Variants in SAMD12 observed in about 807,000 individuals in gnomAD.
SAMD12 encodes sterile alpha motif domain-containing protein 12.
In SAMD12, 9 loss-of-function variants were observed where a neutral mutation model predicts 15.0. The observed-to-expected ratio is 0.60, with a 90% CI of 0.36 to 1.05. The LOEUF (loss-of-function observed/expected upper bound fraction) is 1.05. SAMD12 is among the 50% of genes least tolerant of loss of function. The pLI, the probability that SAMD12 is intolerant of heterozygous loss-of-function variation, is 0.01. For synonymous variants in SAMD12, 86 were observed against 90.1 expected, an observed-to-expected ratio of 0.96 and a Z score of 0.25; for missense variants, 230 against 234.2, an observed-to-expected ratio of 0.98 and a Z score of 0.12.
intron 4 of SAMD12, among the ~76,000 whole-genome samples, chr8:118,351,382 TG>T (rs1817955443): frequency 1.3e-5 from 2 of 152,148 alleles, no homozygotes; most frequent in African/African-American, 2.4e-5. Flanking sequence ...GGAATTGGGA[TG>T]GGAAGCGGCA....
chr8:118,427,729 CTT>C (rs1250789840), intron 3 of SAMD12, among the ~76,000 whole-genome samples: 2 of 152,150 alleles, frequency 1.3e-5, no homozygotes, highest in African/African-American at 4.8e-5. Context: ...ATTCTAATCT[CTT>C]TTGAAATTAT....
At chr8:118,166,875 T>G in the SAMD12 span, among the ~76,000 whole-genome samples, 1 of 152,186 alleles carries the variant, frequency 6.6e-6, no homozygotes, top group Non-Finnish European at 1.5e-5. Context: ...TGGGTGTCTC[T>G]AGGAGGCATC....
chr8:118,339,806 C>G (rs1817261096), intron 4 of SAMD12, among the ~76,000 whole-genome samples: 1 of 152,196 alleles, frequency 6.6e-6, no homozygotes, highest in South Asian at 2.1e-4. Flanking sequence ...AGCCCCTTGC[C>G]CCTGTCAGGG....
chr8:118,513,602 G>A (rs896012535), intron 2 of SAMD12, among the ~76,000 whole-genome samples: 1 of 152,162 alleles, frequency 6.6e-6, no homozygotes. Flanking sequence ...AAATAATTTG[G>A]TTGTTCCAGA....
At chr8:118,574,182 T>A (rs996804298) in intron 2 of SAMD12, among the ~76,000 whole-genome samples, 3 of 152,158 alleles carry the variant, frequency 2.0e-5, no homozygotes, top group Admixed American at 2.0e-4. Context: ...GTACCAATAA[T>A]CTCCAAAGAG....
exon 5 of SAMD12, chr8:118,194,814 C>T (rs1160267865): frequency 6.6e-6 from 1 of 152,180 alleles, no homozygotes. Context: ...AGGACCACCA[C>T]ATAATAAAGA....
chr8:118,507,427 T>C (rs1260958912), intron 2 of SAMD12, among the ~76,000 whole-genome samples: 2 of 151,816 alleles, frequency 1.3e-5, no homozygotes, highest in Non-Finnish European at 2.9e-5. Flanking sequence ...CAATTGAGGG[T>C]TTATGATGTA....
chr8:118,324,971 A>G (rs1816496340), intron 4 of SAMD12, among the ~76,000 whole-genome samples: 1 of 152,188 alleles, frequency 6.6e-6, no homozygotes, highest in Non-Finnish European at 1.5e-5. Flanking sequence ...CATGCTATGC[A>G]GTTGACTCAC....
At chr8:118,133,176 C>T in the SAMD12 span, among the ~76,000 whole-genome samples, 1 of 151,166 alleles carries the variant, frequency 6.6e-6, no homozygotes. Flanking sequence ...TTCTAGAGTT[C>T]CTTATGAGTT....
chr8:118,393,639 C>T lies in SAMD12; in HGVS notation c.323-13939G>A, dbSNP rs569613991. ...TTGAGACAGAGTTTTGCTCTTGTTG[C>T]CCAGGCTGGAGTGCAGGGATGCAAT... is the stretch of plus-strand genomic sequence containing the variant. On this transcript the variant is annotated intron_variant, in intron 3 of 3. Transcript: ENST00000314727. Among the ~76,000 whole-genome samples the T allele has an allele frequency of 3.7e-3, 565 of 151,460 alleles. 2 individuals are homozygous for T. The highest frequency in any genetic ancestry group is 0.013 in the African/African-American group (550 of 41,258).
At chr8:118,289,957 T>C (rs1247523966) in intron 4 of SAMD12, among the ~76,000 whole-genome samples, 1 of 152,180 alleles carries the variant, frequency 6.6e-6, no homozygotes, top group East Asian at 1.9e-4. Flanking sequence ...AAATTATTCA[T>C]TCAAGAGAGA....
At chr8:118,162,128 C>T in the SAMD12 span, among the ~76,000 whole-genome samples, 1 of 148,548 alleles carries the variant, frequency 6.7e-6, no homozygotes. Flanking sequence ...CCACTGCACT[C>T]CAGCCTGGGC....
At chr8:118,269,210 CTCTCTCTCTCTGTG>C (rs1179937311) in intron 4 of SAMD12, among the ~76,000 whole-genome samples, 3 of 117,558 alleles carry the variant, frequency 2.6e-5, no homozygotes, top group Non-Finnish European at 5.0e-5. Flanking sequence ...CTCTCTCTCT[CTCTCTCTCTCTGTG>C]TGTGTGTGTG....
intron 4 of SAMD12, among the ~76,000 whole-genome samples, chr8:118,327,092 A>G (rs1816602874): frequency 1.3e-5 from 2 of 152,212 alleles, no homozygotes; most frequent in African/African-American, 4.8e-5. Context: ...CAGTGAGGGA[A>G]TTACATAGGG....
intron 2 of SAMD12, among the ~76,000 whole-genome samples, chr8:118,486,468 G>A (rs1020434255): frequency 5.3e-5 from 8 of 151,532 alleles, no homozygotes; most frequent in Non-Finnish European, 1.2e-4. Context: ...GAGCTGTGAC[G>A]TGAAGGCTTA....
intron 4 of SAMD12, among the ~76,000 whole-genome samples, chr8:118,227,469 C>T (rs1484663236): frequency 6.6e-6 from 1 of 151,818 alleles, no homozygotes; most frequent in Non-Finnish European, 1.5e-5. Flanking sequence ...CCCTCATGAC[C>T]GAGTGTACCT....
At chr8:118,395,785 C>G (rs950035687) in intron 3 of SAMD12, among the ~76,000 whole-genome samples, 1 of 151,988 alleles carries the variant, frequency 6.6e-6, no homozygotes, top group East Asian at 1.9e-4. Context: ...GGTGAAACCC[C>G]ATCTCTACTA....
At chr8:118,424,192 C>T (rs1170365206) in intron 3 of SAMD12, among the ~76,000 whole-genome samples, 1 of 152,056 alleles carries the variant, frequency 6.6e-6, no homozygotes, top group Non-Finnish European at 1.5e-5. Flanking sequence ...AAAAATTACA[C>T]ACATAAGTAT....
chr8:118,532,946 T>G (rs1825731510), intron 2 of SAMD12, among the ~76,000 whole-genome samples: 2 of 152,204 alleles, frequency 1.3e-5, no homozygotes, highest in East Asian at 3.8e-4. Context: ...CCTTCAGTTC[T>G]GCTCTGATTT....
Sources: allele counts gnomAD v4.1 joint callset (sites outside exome capture counted in the v4.1 genomes callset), GRCh38; gene constraint gnomAD v4.1.1; transcripts MANE v1.5; gene names NCBI Gene and HGNC (gene_info 2026-07-23, HGNC 2026-07-21).